Variants in HEATR3 observed in about 807,000 individuals in gnomAD.
HEATR3 encodes HEAT repeat-containing protein 3.
A neutral mutation model predicts 72.8 loss-of-function variants in HEATR3; 56 were observed. That is an observed-to-expected ratio of 0.77 (90% CI 0.62 to 0.96). HEATR3 has a LOEUF of 0.96. HEATR3 is among the 40% of genes least tolerant of loss of function. The pLI, the probability that HEATR3 is intolerant of heterozygous loss-of-function variation, is 0.00. For synonymous variants in HEATR3, 331 were observed against 318.1 expected, an observed-to-expected ratio of 1.04 and a Z score of -0.43; for missense variants, 747 against 831.4, an observed-to-expected ratio of 0.90 and a Z score of 1.25.
rs1164883510 is a variant in HEATR3 at position 50,086,294 on chromosome 16, G to A, written c.1453G>A (p.Ala485Thr). The change falls in exon 11 of 15, where the codon GCC (alanine) becomes ACC (threonine). Residue 485 changes from alanine (A) to threonine (T), a missense_variant. Physicochemically the swap from Ala to Thr is moderately conservative, Grantham distance 58. Coordinates refer to ENST00000299192, the MANE Select transcript of HEATR3 (RefSeq NM_182922.4). Reference protein sequence around the residue: ...SLLDVEHLGGAAALQTLAQHL... With the variant: ...SLLDVEHLGGTAALQTLAQHL... ...CCTGGATGTGGAGCACCTGGGAGGA[G>A]CCGCAGCCCTTCAGACGCTTGCACA... is the stretch of plus-strand genomic sequence containing the variant. The A allele has an allele frequency of 6.3e-7, 1 of 1,589,870 alleles. No homozygotes were observed. Among genetic ancestry groups the A allele is most frequent in the East Asian group, 2.2e-5 (1 of 44,452 alleles).
In HEATR3 at chr16:50,102,273, T is replaced by C. The variant is rs1209353354; in HGVS notation, c.1758T>C (p.Phe586=). 1 of 1,612,522 alleles carries C rather than the reference T, an allele frequency of 6.2e-7. No homozygotes were observed. The highest frequency in any genetic ancestry group is 1.1e-5 in the South Asian group (1 of 90,692). Residue 586 remains phenylalanine, a synonymous_variant, in exon 14 of 15, where the codon TTT becomes TTC. Coordinates refer to ENST00000299192, the MANE Select transcript of HEATR3 (RefSeq NM_182922.4). Reference sequence around the variant, plus strand: ...GTTGTTTCCAGAACATTGGGTGCTTTCTGCTTGAAGTTACCACCAAAGATC... The same window carrying C: ...GTTGTTTCCAGAACATTGGGTGCTTCCTGCTTGAAGTTACCACCAAAGATC... ...TLETLKNIGC[F]LLEVTTKDPS... is the part of the protein sequence containing the mutation.
intron 6 of HEATR3, 78 bp from the exon 7 acceptor site, chr16:50,078,663 G>A: frequency 7.1e-7 from 1 of 1,408,214 alleles, no homozygotes; most frequent in South Asian, 1.4e-5. Flanking sequence ...GGCCTTAAAA[G>A]CTCCAGTCTT....
intron 5 of HEATR3, chr16:50,074,162 A>G (rs2150599089): frequency 6.6e-6 from 1 of 152,310 alleles, no homozygotes; most frequent in African/African-American, 2.4e-5. Flanking sequence ...TTAATATTTT[A>G]CACATCTCTT....
chr16:50,085,707 T>C (rs1392760512), intron 10 of HEATR3, among the ~76,000 whole-genome samples: 4 of 152,052 alleles, frequency 2.6e-5, no homozygotes, highest in African/African-American at 4.8e-5. Context: ...GACTCATGAA[T>C]GAGTTGTGTA....
At chr16:50,100,756 C>G (rs2037347741) in intron 13 of HEATR3, 2 of 226,290 alleles carry the variant, frequency 8.8e-6, no homozygotes, top group South Asian at 1.2e-4. Context: ...CCTTGCACAC[C>G]AGGCAACATG....
At chr16:50,066,599 G>A in intron 2 of HEATR3, 60 bp downstream of exon 2, 1 of 1,251,068 alleles carries the variant, frequency 8.0e-7, no homozygotes, top group Non-Finnish European at 1.0e-6. Flanking sequence ...TCTGGGCTGC[G>A]GGCGGTCGCA....
chr16:50,094,164 G>A (rs943634072), intron 11 of HEATR3, among the ~76,000 whole-genome samples: 2 of 152,196 alleles, frequency 1.3e-5, no homozygotes, highest in South Asian at 4.1e-4. Context: ...TTTGTCCCGT[G>A]TGGGAAGAAG....
chr16:50,089,134 GA>G (rs2037052600), intron 11 of HEATR3, among the ~76,000 whole-genome samples: 2 of 152,124 alleles, frequency 1.3e-5, no homozygotes, highest in South Asian at 4.2e-4. Flanking sequence ...AGAAATAATG[GA>G]AAGTTTCTGA....
At chr16:50,088,452 A>G (rs2037036923) in intron 11 of HEATR3, among the ~76,000 whole-genome samples, 1 of 152,214 alleles carries the variant, frequency 6.6e-6, no homozygotes, top group African/African-American at 2.4e-5. Flanking sequence ...GTGCCCAGCC[A>G]TGCCCAGGAC....
At chr16:50,084,372 A>T in intron 9 of HEATR3, 81 bp downstream of exon 9, 1 of 1,487,532 alleles carries the variant, frequency 6.7e-7, no homozygotes, top group Non-Finnish European at 9.1e-7. Flanking sequence ...CAAAAGAAGC[A>T]AGCTCACACT....
At chr16:50,099,466 G>A (rs188306909) in intron 12 of HEATR3, among the ~76,000 whole-genome samples, 16 of 152,298 alleles carry the variant, frequency 1.1e-4, no homozygotes, top group African/African-American at 3.8e-4. Context: ...CATTAGTCTA[G>A]TGTAGGGGCT....
chr16:50,100,806 C>G, intron 13 of HEATR3: 1 of 204,186 alleles, frequency 4.9e-6, no homozygotes, highest in Non-Finnish European at 9.7e-6. Context: ...ATTCTAATAC[C>G]ACTCCATAAA....
At position 50,105,311 on chromosome 16, in the gene HEATR3, G is replaced by A. The variant is rs116770385; in HGVS notation, c.*250G>A. ...CCAGCCTGGCCAACATGGTGAAACC[G>A]CATGCATAAGCATGGTGGCACATGC... On this transcript the variant is annotated 3_prime_UTR_variant, in exon 15 of 15. Transcript: ENST00000299192. The A allele has an allele frequency of 0.012, 4,408 of 366,116 alleles. 171 individuals carry two copies. The highest frequency in any genetic ancestry group is 0.085 in the African/African-American group (4,000 of 46,906). The allele number at this position is 366,116 out of a possible 1,614,324, so 22.7% of individuals were successfully genotyped here.
intron 14 of HEATR3, among the ~76,000 whole-genome samples, 167 bp from the exon 15 acceptor site, chr16:50,104,772 C>G (rs1331242495): frequency 1.3e-5 from 2 of 152,154 alleles, no homozygotes; most frequent in Non-Finnish European, 2.9e-5. Flanking sequence ...TCAGTTTATT[C>G]TTTACTTACC....
In HEATR3 at chr16:50,084,138, C is replaced by T. The variant is rs1202327509; in HGVS notation, c.1137C>T (p.Pro379=). The change falls in exon 9 of 15, where the codon CCC becomes CCT. Residue 379 remains proline (P), a synonymous_variant. Transcript: ENST00000299192. ...CGTGGTTTGCCCGCTTCCCAGATCC[C>T]TCTGATGACGAATGGGAAGAGCTTT... ...IIVNMCCNED[P]SDDEWEELSS... 1 of 1,614,140 alleles carries T rather than the reference C, an allele frequency of 6.2e-7. No homozygotes were observed.
chr16:50,070,813 C>T (rs2036594566), intron 4 of HEATR3, among the ~76,000 whole-genome samples: 1 of 152,178 alleles, frequency 6.6e-6, no homozygotes. Flanking sequence ...CGGCTTTCCT[C>T]TCCAGTCATT....
chr16:50,067,920 A>G (rs950802336), intron 2 of HEATR3, among the ~76,000 whole-genome samples: 2 of 152,238 alleles, frequency 1.3e-5, no homozygotes, highest in African/African-American at 2.4e-5. Context: ...ACATAAGTGT[A>G]TGATTACAAT....
intron 11 of HEATR3, among the ~76,000 whole-genome samples, chr16:50,087,829 A>G (rs368109463): frequency 6.6e-6 from 1 of 152,324 alleles, no homozygotes. Context: ...CCAAGAATTG[A>G]ACTCTTAAAA....
chr16:50,066,307 A>G (rs748929423), intron 1 of HEATR3, 38 bp downstream of exon 1: 5 of 1,571,112 alleles, frequency 3.2e-6, no homozygotes, highest in Non-Finnish European at 4.3e-6. Context: ...AGGCGAGACG[A>G]GGTTGCCCCG....
Sources: gnomAD v4.1 joint callset for allele counts (sites outside exome capture counted in the v4.1 genomes callset) on GRCh38, gnomAD v4.1.1 for gene constraint, MANE v1.5 for transcripts, NCBI Gene and HGNC (gene_info 2026-07-23, HGNC 2026-07-21) for gene names.